The following DTNA variants were observed in gnomAD, a reference collection of about 807,000 sequenced individuals.
DTNA encodes dystrophin-related protein 3.
DTNA carries 43 observed loss-of-function variants against 100.7 expected under a neutral mutation model. The ratio of observed to expected loss-of-function variants is 0.43; its 90% CI spans 0.33 to 0.55. The LOEUF is 0.55. Ranked by LOEUF, DTNA falls within the 20% of genes least tolerant of loss-of-function variation. The pLI is 0.04. For missense variants in DTNA, 798 were observed against 953.9 expected (o/e 0.84, Z 2.15); for synonymous variants, 349 against 347.9 (o/e 1.00, Z -0.04).
intron 1 of DTNA, among the ~76,000 whole-genome samples, chr18:34,697,332 C>T (rs1343251997): frequency 6.6e-6 from 1 of 152,186 alleles, no homozygotes; most frequent in Admixed American, 6.5e-5. Context: ...CAAGCCAACT[C>T]CTGTGAGGTC....
intron 1 of DTNA, among the ~76,000 whole-genome samples, chr18:34,743,945 G>A (rs922443166): frequency 2.6e-5 from 4 of 151,930 alleles, no homozygotes; most frequent in East Asian, 1.9e-4. Context: ...CTCAAAAGAC[G>A]CTTTCCTCGT....
intron 1 of DTNA, among the ~76,000 whole-genome samples, chr18:34,736,904 T>C (rs911121200): frequency 1.3e-5 from 2 of 152,206 alleles, no homozygotes; most frequent in South Asian, 2.1e-4. Context: ...TCATTCTTCA[T>C]ATAATTTGAT....
chr18:34,573,036 G>C (rs2047743120), intron 1 of DTNA, among the ~76,000 whole-genome samples: 1 of 152,176 alleles, frequency 6.6e-6, no homozygotes, highest in South Asian at 2.1e-4. Context: ...GGATGAAGTA[G>C]AATAACATAT....
At chr18:34,836,451 G>A (rs781253710) in intron 11 of DTNA, among the ~76,000 whole-genome samples, 9 of 151,898 alleles carry the variant, frequency 5.9e-5, no homozygotes, top group African/African-American at 9.7e-5. Flanking sequence ...TCGGGAGTTC[G>A]AGACCAGCCA....
At chr18:34,495,466 A>G (rs1056091147) in intron 1 of DTNA, among the ~76,000 whole-genome samples, 1 of 152,228 alleles carries the variant, frequency 6.6e-6, no homozygotes, top group African/African-American at 2.4e-5. Context: ...GTTTGCACTT[A>G]ATTTTAAATT....
chr18:34,659,140 A>G (rs1022769689), intron 1 of DTNA, among the ~76,000 whole-genome samples: 6 of 152,126 alleles, frequency 3.9e-5, no homozygotes, highest in Admixed American at 1.3e-4. Flanking sequence ...GATGATAGCA[A>G]ATATCTTCCT....
intron 1 of DTNA, among the ~76,000 whole-genome samples, chr18:34,688,138 T>G (rs1217010747): frequency 6.6e-6 from 1 of 152,224 alleles, no homozygotes; most frequent in Non-Finnish European, 1.5e-5. Flanking sequence ...TTAGCCCATT[T>G]ACATTTAAGG....
chr18:34,678,209 A>G (rs983540395), intron 1 of DTNA, among the ~76,000 whole-genome samples: 2 of 152,192 alleles, frequency 1.3e-5, no homozygotes, highest in African/African-American at 4.8e-5. Context: ...GCAAACCCGT[A>G]TCATAAATAA....
chr18:34,667,388 C>G (rs1361182236), intron 1 of DTNA, among the ~76,000 whole-genome samples: 1 of 152,172 alleles, frequency 6.6e-6, no homozygotes, highest in African/African-American at 2.4e-5. Flanking sequence ...ATTTGACTTC[C>G]TCTTTTCCTA....
chr18:34,837,341 T>C (rs1351863189), intron 11 of DTNA, among the ~76,000 whole-genome samples: 1 of 152,182 alleles, frequency 6.6e-6, no homozygotes, highest in Non-Finnish European at 1.5e-5. Flanking sequence ...GACTTTACCA[T>C]AGCCACACTT....
intron 1 of DTNA, chr18:34,494,044 G>A (rs1382918726): frequency 6.6e-6 from 1 of 151,272 alleles, no homozygotes; most frequent in African/African-American, 2.4e-5. Flanking sequence ...CGCCCTCGAA[G>A]GCCTTCGCAG....
chr18:34,812,122 A>C lies in DTNA; in HGVS notation c.603+9A>C. ...CCTGTTTCTCCCAACAGGTAGGAGAAAAATATGTTTAAGGAAGTATCTCTT... is the reference window on the plus strand; with the variant it reads ...CCTGTTTCTCCCAACAGGTAGGAGACAAATATGTTTAAGGAAGTATCTCTT... On this transcript the variant is annotated intron_variant, in intron 6 of 22. Transcript: ENST00000444659. 6.2e-7 allele frequency: 1 copy of C among 1,613,972 alleles called. No individual in the cohort carries two copies. The highest frequency in any genetic ancestry group is 8.5e-7 in the Non-Finnish European group (1 of 1,179,882).
intron 3 of DTNA, among the ~76,000 whole-genome samples, chr18:34,773,301 A>G (rs2093877735): frequency 6.6e-6 from 1 of 152,266 alleles, no homozygotes; most frequent in Non-Finnish European, 1.5e-5. Flanking sequence ...ACACTGCTCA[A>G]GAACATAGAC....
At chr18:34,641,139 A>G (rs1568096640) in intron 1 of DTNA, among the ~76,000 whole-genome samples, 1 of 152,204 alleles carries the variant, frequency 6.6e-6, no homozygotes. Flanking sequence ...TAATATATGA[A>G]TATAAGGGTA....
At chr18:34,875,183 A>G in intron 17 of DTNA, 56 bp from the exon 18 acceptor site, 2 of 1,599,122 alleles carry the variant, frequency 1.3e-6, no homozygotes, top group East Asian at 4.5e-5. Flanking sequence ...GGCATTGGGG[A>G]TGACATATGA....
intron 3 of DTNA, among the ~76,000 whole-genome samples, chr18:34,777,331 T>C (rs1445010304): frequency 1.3e-5 from 2 of 152,118 alleles, no homozygotes; most frequent in Non-Finnish European, 2.9e-5. Context: ...AACAAGAAAA[T>C]GATGTCAAAG....
chr18:34,608,757 C>T (rs755174673), intron 1 of DTNA, among the ~76,000 whole-genome samples: 2 of 152,138 alleles, frequency 1.3e-5, no homozygotes, highest in Non-Finnish European at 2.9e-5. Context: ...ACTCTGCTGC[C>T]TTCTCACCTG....
At chr18:34,861,903 C>G (rs922771311) in intron 16 of DTNA, among the ~76,000 whole-genome samples, 1 of 152,000 alleles carries the variant, frequency 6.6e-6, no homozygotes, top group African/African-American at 2.4e-5. Flanking sequence ...CTAATAATAC[C>G]AGTTAACGTT....
rs74443670 is a variant in DTNA at position 34,867,881 on chromosome 18, G to A, written c.1743+3819G>A. ...TCAGGGGGCCAACAGCGGGTACTGCGGTGTCGGTACCCAAGGACCAGGGCC... is the reference window on the plus strand; with the variant it reads ...TCAGGGGGCCAACAGCGGGTACTGCAGTGTCGGTACCCAAGGACCAGGGCC... On this transcript the variant is annotated intron_variant, in intron 17 of 22. Coordinates refer to ENST00000444659, the MANE Select transcript of DTNA (RefSeq NM_001386795.1). 9.0e-4 allele frequency: 885 copies of A among 985,368 alleles called. 18 individuals carry two copies. In the East Asian group the frequency reaches 0.053, roughly 59 times the overall value. The allele number at this position is 985,368 out of a possible 1,614,324, so 61.0% of individuals were successfully genotyped here.
Sources: gnomAD v4.1 joint callset for allele counts (sites outside exome capture counted in the v4.1 genomes callset) on GRCh38, gnomAD v4.1.1 for gene constraint, MANE v1.5 for transcripts, NCBI Gene and HGNC (gene_info 2026-07-23, HGNC 2026-07-21) for gene names.